The following AJAP1 variants were observed in gnomAD, a reference collection of about 807,000 sequenced individuals.
AJAP1 encodes the protein adherens junctions associated protein 1.
A neutral mutation model predicts 35.0 loss-of-function variants in AJAP1; 5 were observed. That is an observed-to-expected ratio of 0.14 (90% CI 0.07 to 0.30). AJAP1 has a LOEUF of 0.30. Among genes scored for constraint, AJAP1 ranks in the 10% least tolerant of loss-of-function variants. The probability of loss-of-function intolerance (pLI) is 1.00; values close to 1 mark genes in which losing one functional copy is unlikely to be tolerated. For synonymous variants in AJAP1, 284 were observed against 249.3 expected (o/e 1.14, Z -1.31); for missense variants, 586 against 571.0 (o/e 1.03, Z -0.27).
Position 4,784,026 on chromosome 1 carries a change from C to T in AJAP1, c.*1541C>T, listed in dbSNP as rs1014537580. On this transcript the variant is annotated 3_prime_UTR_variant, in exon 6 of 6. Coordinates refer to ENST00000378191, the MANE Select transcript of AJAP1 (RefSeq NM_018836.4). ...TTGGGGGAAGCCTCGGCAAAGATGC[C>T]GTTCTCCCGTCAGCTTCCATTGGCC... 3.9e-5 allele frequency: 6 copies of T among 152,164 alleles called. No homozygotes were observed. The East Asian group carries it at 5.8e-4, about 15-fold the overall frequency. The allele number at this position is 152,164 out of a possible 1,614,324, so 9.4% of individuals were successfully genotyped here. A position where few individuals can be genotyped will look rare whatever the true frequency, so the allele number is the denominator to read the frequency against.
rs148431209 is a variant in AJAP1 at position 4,770,960 on chromosome 1, G to A, written c.917+1020G>A. On this transcript the variant is annotated intron_variant, in intron 3 of 5. Coordinates refer to ENST00000378191, the MANE Select transcript of AJAP1 (RefSeq NM_018836.4). Reference sequence around the variant, plus strand: ...AGAACAACACGGAGCTCACAGTGGGGCTTCTTAGGCAGGGGCTGGCCAGAG... The same window carrying A: ...AGAACAACACGGAGCTCACAGTGGGACTTCTTAGGCAGGGGCTGGCCAGAG... Among the ~76,000 whole-genome samples, 625 of 152,158 alleles carry A rather than the reference G, an allele frequency of 4.1e-3. 6 individuals carry two copies. The highest frequency in any genetic ancestry group is 0.014 in the African/African-American group (573 of 41,510).
At chr1:4,713,693 CAGA>C (rs1268135370) in intron 2 of AJAP1, among the ~76,000 whole-genome samples, 1 of 152,230 alleles carries the variant, frequency 6.6e-6, no homozygotes, top group East Asian at 1.9e-4. Context: ...CAGGTTGGCT[CAGA>C]AGTTCACAAC....
In AJAP1 at chr1:4,689,780, C is replaced by G. The variant is rs16839466; in HGVS notation, c.30-22120C>G. 0.014 allele frequency among the ~76,000 whole-genome samples: 2,083 copies of G among 152,362 alleles called. 132 individuals carry two copies. In the East Asian group the frequency reaches 0.18, roughly 13 times the overall value. ...AGCACAGCTGAGCCTTGGAAAAATT[C>G]AGGAGAGGCAGAGAAATCCTGGCAG... On this transcript the variant is annotated intron_variant, in intron 1 of 5. Coordinates refer to ENST00000378191, the MANE Select transcript of AJAP1 (RefSeq NM_018836.4).
At chr1:4,725,157 G>A (rs1053413558) in intron 2 of AJAP1, among the ~76,000 whole-genome samples, 3 of 152,178 alleles carry the variant, frequency 2.0e-5, no homozygotes, top group African/African-American at 4.8e-5. Flanking sequence ...TGCAGACAGC[G>A]GCCTGCAGCA....
intron 5 of AJAP1, among the ~76,000 whole-genome samples, chr1:4,778,946 C>T (rs1454301479): frequency 6.6e-6 from 1 of 152,318 alleles, no homozygotes; most frequent in Non-Finnish European, 1.5e-5. Context: ...CTGGAACCTG[C>T]ATGAACCAGT....
At chr1:4,677,081 T>C (rs11810776) in intron 1 of AJAP1, among the ~76,000 whole-genome samples, 12,391 of 152,258 alleles carry the variant, frequency 0.081, 698 homozygotes, top group East Asian at 0.22. Context: ...TGCTTGAACC[T>C]GGGAGGCGGA....
intron 2 of AJAP1, among the ~76,000 whole-genome samples, chr1:4,742,667 C>T (rs754930657): frequency 6.6e-6 from 1 of 152,144 alleles, no homozygotes; most frequent in East Asian, 1.9e-4. Flanking sequence ...AAGCTGACAG[C>T]CTTTTCAATT....
chr1:4,690,677 A>C (rs1201185188), intron 1 of AJAP1, among the ~76,000 whole-genome samples: 1 of 152,140 alleles, frequency 6.6e-6, no homozygotes, highest in East Asian at 1.9e-4. Context: ...CAGGCATCTT[A>C]GTGTCCATTT....
At chr1:4,733,312 G>A (rs1364165366) in intron 2 of AJAP1, among the ~76,000 whole-genome samples, 1 of 151,918 alleles carries the variant, frequency 6.6e-6, no homozygotes, top group Non-Finnish European at 1.5e-5. Flanking sequence ...AGGCTGGATG[G>A]CCCCAAGAGT....
chr1:4,731,555 G>C (rs1227861142), intron 2 of AJAP1, among the ~76,000 whole-genome samples: 2 of 152,160 alleles, frequency 1.3e-5, no homozygotes, highest in African/African-American at 4.8e-5. Context: ...CAAGGGCTTT[G>C]GGGCTTCCTC....
At chr1:4,666,167 G>A (rs969658266) in intron 1 of AJAP1, among the ~76,000 whole-genome samples, 35 of 149,744 alleles carry the variant, frequency 2.3e-4, no homozygotes, top group Middle Eastern at 3.6e-3. Flanking sequence ...GGGGCACCCC[G>A]CAGTGAAATA....
intron 2 of AJAP1, among the ~76,000 whole-genome samples, chr1:4,731,344 G>A (rs1249345794): frequency 6.6e-6 from 1 of 152,206 alleles, no homozygotes. Context: ...GCCTCCCAAA[G>A]TGCTAGGATT....
At chr1:4,748,747 C>CAAAAAAAAA (rs70955802) in intron 2 of AJAP1, among the ~76,000 whole-genome samples, 32 of 98,290 alleles carry the variant, frequency 3.3e-4, no homozygotes, top group Non-Finnish European at 5.4e-4. Context: ...GACTCTGTCT[C>CAAAAAAAAA]AAAAAAAAAA....
rs1422562211 is a variant in AJAP1 at position 4,692,179 on chromosome 1, T to C, written c.30-19721T>C. Reference sequence around the variant, plus strand: ...TTAGGAGTCAGCCCCGCTTAATAGGTGAGGAAACTTAGGCACAGAGGCACT... The same window carrying C: ...TTAGGAGTCAGCCCCGCTTAATAGGCGAGGAAACTTAGGCACAGAGGCACT... On this transcript the variant is annotated intron_variant, in intron 1 of 5. Transcript: ENST00000378191. The surrounding 1 kb of genome is among the most constrained non-coding windows in gnomAD (Gnocchi z 4.4). 2.0e-5 allele frequency among the ~76,000 whole-genome samples: 3 copies of C among 152,056 alleles called. No individual in the cohort carries two copies. The highest frequency in any genetic ancestry group is 7.2e-5 in the African/African-American group (3 of 41,410).
intron 2 of AJAP1, among the ~76,000 whole-genome samples, chr1:4,741,544 A>G (rs1018676806): frequency 6.6e-6 from 1 of 152,226 alleles, no homozygotes; most frequent in Admixed American, 6.5e-5. Flanking sequence ...TCCAAAAAAC[A>G]TCACATTCTG....
At chr1:4,749,836 G>A (rs1010340815) in intron 2 of AJAP1, among the ~76,000 whole-genome samples, 13 of 152,140 alleles carry the variant, frequency 8.5e-5, no homozygotes, top group African/African-American at 3.1e-4. Flanking sequence ...ACTCGTGCAC[G>A]CCTGTGTGTT....
rs529021486 is a variant in AJAP1, at chr1:4,731,532, C to T, written c.829+18833C>T. The stretch of plus-strand genomic sequence containing the variant: ...AGAAAGGTGTGAACATTTTGCGTGA[C>T]AGGTAAGAAAGTCAAGGGCTTTGGG... On this transcript the variant is annotated intron_variant, in intron 2 of 5. Coordinates refer to ENST00000378191, the MANE Select transcript of AJAP1 (RefSeq NM_018836.4). Among the ~76,000 whole-genome samples the T allele has an allele frequency of 3.3e-5, 5 of 152,290 alleles. No homozygotes were observed. In the South Asian group the frequency reaches 1.0e-3, roughly 32 times the overall value.
chr1:4,768,801 C>T (rs1641752846), intron 2 of AJAP1, among the ~76,000 whole-genome samples: 1 of 152,084 alleles, frequency 6.6e-6, no homozygotes, highest in Admixed American at 6.5e-5. Context: ...TCCGAGTAGC[C>T]CTGGCTGGTT....
intron 1 of AJAP1, among the ~76,000 whole-genome samples, chr1:4,675,726 T>G (rs1639348309): frequency 6.6e-6 from 1 of 152,226 alleles, no homozygotes; most frequent in South Asian, 2.1e-4. Flanking sequence ...GTCTGACCTC[T>G]CTTGGGCAAA....
Sources: gnomAD v4.1 joint callset for allele counts (sites outside exome capture counted in the v4.1 genomes callset) on GRCh38, gnomAD v4.1.1 for gene constraint, Gnocchi (gnomAD v3.1) non-coding constraint, MANE v1.5 for transcripts, NCBI Gene and HGNC (gene_info 2026-07-23, HGNC 2026-07-21) for gene names.